CAMTA1: variants seen among roughly 807,000 people sequenced by gnomAD.
CAMTA1 encodes calmodulin binding transcription activator 1, also known as calmodulin-binding transcription activator 1.
Under a neutral mutation model 170.9 loss-of-function variants are expected in CAMTA1, and 27 were observed. The observed-to-expected ratio is 0.16, with a 90% CI of 0.12 to 0.22. The LOEUF (loss-of-function observed/expected upper bound fraction) is 0.22, where lower values mean the gene tolerates loss of function less well. Ranked by LOEUF, CAMTA1 falls within the 10% of genes least tolerant of loss-of-function variation. CAMTA1 has a pLI of 1.00. For missense variants in CAMTA1, 1,619 were observed against 2,217.2 expected (o/e 0.73, Z 5.42); for synonymous variants, 833 against 891.5 (o/e 0.93, Z 1.17).
At chr1:6,937,737 C>A (rs1685691562) in intron 3 of CAMTA1, among the ~76,000 whole-genome samples, 1 of 151,594 alleles carries the variant, frequency 6.6e-6, no homozygotes, top group African/African-American at 2.4e-5. Context: ...TCATCACAGT[C>A]ATCACCATCA....
chr1:7,715,445 T>C (rs1001877657), intron 11 of CAMTA1, among the ~76,000 whole-genome samples: 2 of 151,776 alleles, frequency 1.3e-5, no homozygotes, highest in African/African-American at 4.8e-5. Flanking sequence ...TTTTTTTTTT[T>C]TTCTTGAGGC....
intron 6 of CAMTA1, among the ~76,000 whole-genome samples, chr1:7,486,828 G>C (rs1339950856): frequency 6.6e-6 from 1 of 152,172 alleles, no homozygotes; most frequent in Admixed American, 6.5e-5. Context: ...TCTGAGGGAA[G>C]GTCCTGCCTC....
chr1:7,124,723 C>T (rs561797927), intron 4 of CAMTA1, among the ~76,000 whole-genome samples: 6 of 152,366 alleles, frequency 3.9e-5, no homozygotes, highest in Admixed American at 2.6e-4. Flanking sequence ...GTCCCCACGG[C>T]GAAGCACGGC....
At chr1:7,281,763 A>AT (rs1225442042) in intron 5 of CAMTA1, among the ~76,000 whole-genome samples, 14 of 147,658 alleles carry the variant, frequency 9.5e-5, no homozygotes, top group East Asian at 8.0e-4. Flanking sequence ...ATCCATGTGG[A>AT]TTTTTTTTGT....
chr1:6,788,281 C>A (rs1457843121), intron 1 of CAMTA1, among the ~76,000 whole-genome samples: 1 of 151,638 alleles, frequency 6.6e-6, no homozygotes, highest in Non-Finnish European at 1.5e-5. Flanking sequence ...GACTCATCCT[C>A]CCCAACAAGT....
chr1:7,532,014 G>C lies in CAMTA1; in HGVS notation c.510+64113G>C, dbSNP rs1222239300. On this transcript the variant is annotated intron_variant, in intron 6 of 22. Transcript: ENST00000303635. This position sits in a 1 kb window ranked among gnomAD's most constrained non-coding sequence, Gnocchi z 4.2. Reference sequence around the variant, plus strand: ...GGCTTCACACCATGCTAGTCCTTTAGATGTTCAATACCATGAAGGAAATGA... The same window carrying C: ...GGCTTCACACCATGCTAGTCCTTTACATGTTCAATACCATGAAGGAAATGA... 6.6e-6 allele frequency among the ~76,000 whole-genome samples: 1 copy of C among 152,216 alleles called. No homozygotes were observed. The highest frequency in any genetic ancestry group is 1.5e-5 in the Non-Finnish European group (1 of 68,048).
intron 4 of CAMTA1, among the ~76,000 whole-genome samples, chr1:7,226,017 C>T (rs1046613757): frequency 3.9e-5 from 6 of 152,198 alleles, no homozygotes; most frequent in African/African-American, 1.4e-4. Flanking sequence ...AGTGCCTGTC[C>T]ACAGCCCCTT....
In CAMTA1 at chr1:7,685,545, G is replaced by A. The variant is rs1037005328; in HGVS notation, c.2914+7812G>A. 3.3e-5 allele frequency among the ~76,000 whole-genome samples: 5 copies of A among 152,156 alleles called. No homozygotes were observed. Among genetic ancestry groups the A allele is most frequent in the African/African-American group, 9.7e-5 (4 of 41,426 alleles). ...GAAGCCCTCTGGCTCTGGGCAGTGC[G>A]ATTCTGCCCCTCCCTCCCACTCCCC... On this transcript the variant is annotated intron_variant, in intron 11 of 22. Transcript: ENST00000303635. This position sits in a 1 kb window ranked among gnomAD's most constrained non-coding sequence, Gnocchi z 5.7.
intron 3 of CAMTA1, among the ~76,000 whole-genome samples, chr1:7,025,477 C>T (rs1172974775): frequency 6.6e-6 from 1 of 152,196 alleles, no homozygotes; most frequent in Admixed American, 6.5e-5. Flanking sequence ...TCCATCTCGC[C>T]AGCCCCTCTG....
At chr1:7,219,130 C>T (rs1479823967) in intron 4 of CAMTA1, among the ~76,000 whole-genome samples, 2 of 152,140 alleles carry the variant, frequency 1.3e-5, no homozygotes, top group Non-Finnish European at 2.9e-5. Flanking sequence ...AAGTGTCTCC[C>T]CTGTAAGCTT....
At chr1:7,265,644 T>G (rs1668814409) in intron 5 of CAMTA1, among the ~76,000 whole-genome samples, 3 of 152,240 alleles carry the variant, frequency 2.0e-5, no homozygotes, top group Admixed American at 1.3e-4. Flanking sequence ...AACCCATTAA[T>G]ATTTTTGTGG....
chr1:7,258,639 C>T (rs573621634), intron 5 of CAMTA1, among the ~76,000 whole-genome samples: 2 of 152,254 alleles, frequency 1.3e-5, no homozygotes, highest in South Asian at 2.1e-4. Context: ...GATACTTTTC[C>T]CCTTGGTAAG....
chr1:6,850,340 C>T (rs1659915467), intron 3 of CAMTA1, among the ~76,000 whole-genome samples: 1 of 152,084 alleles, frequency 6.6e-6, no homozygotes, highest in Non-Finnish European at 1.5e-5. Context: ...GGTTTAATAT[C>T]CTTCATATCT....
Position 7,259,290 on chromosome 1 carries a change from C to T in CAMTA1, c.438+9664C>T, listed in dbSNP as rs12757126. On this transcript the variant is annotated intron_variant, in intron 5 of 22. Coordinates refer to ENST00000303635, the MANE Select transcript of CAMTA1 (RefSeq NM_015215.4). ...GAAATAACCTTCCACGTCCTCCTTGCACTTCGTAATTCAACAGCTTGTAAC... is the reference window on the plus strand; with the variant it reads ...GAAATAACCTTCCACGTCCTCCTTGTACTTCGTAATTCAACAGCTTGTAAC... 1.6e-3 allele frequency among the ~76,000 whole-genome samples: 247 copies of T among 152,304 alleles called. 2 individuals carry two copies. The highest frequency in any genetic ancestry group is 2.7e-3 in the Non-Finnish European group (181 of 68,026).
intron 4 of CAMTA1, among the ~76,000 whole-genome samples, chr1:7,119,526 C>T (rs1203544466): frequency 6.6e-6 from 1 of 152,136 alleles, no homozygotes; most frequent in African/African-American, 2.4e-5. Flanking sequence ...GGAAGAACCC[C>T]TGAGCCGAAA....
At chr1:7,368,038 C>A (rs1053777435) in intron 5 of CAMTA1, among the ~76,000 whole-genome samples, 21 of 130,294 alleles carry the variant, frequency 1.6e-4, no homozygotes, top group East Asian at 4.8e-4. Context: ...GGGTGCAGGC[C>A]CTGGGCACTC....
rs1423904019 is a variant in CAMTA1 at position 6,872,007 on chromosome 1, A to G, written c.234+46797A>G. 4 of 1,187,192 alleles carry G rather than the reference A, an allele frequency of 3.4e-6. No homozygotes were observed. The African/African-American group carries it at 4.8e-5, about 14-fold the overall frequency. The allele number at this position is 1,187,192 out of a possible 1,614,324, so 73.5% of individuals were successfully genotyped here. A position where few individuals can be genotyped will look rare whatever the true frequency, so the allele number is the denominator to read the frequency against. On this transcript the variant is annotated intron_variant, in intron 3 of 22. Coordinates refer to ENST00000303635, the MANE Select transcript of CAMTA1 (RefSeq NM_015215.4). ...CATTTTCTGTATTAAAATTCATTTCAGTTTTAAAATAAAGTGTAATCTGTG... is the reference window on the plus strand; with the variant it reads ...CATTTTCTGTATTAAAATTCATTTCGGTTTTAAAATAAAGTGTAATCTGTG...
intron 5 of CAMTA1, among the ~76,000 whole-genome samples, chr1:7,291,450 G>C (rs1387820840): frequency 6.6e-6 from 1 of 152,212 alleles, no homozygotes; most frequent in Admixed American, 6.5e-5. Context: ...GTTCAGAGAT[G>C]AATGTTAAGT....
chr1:7,347,982 T>C (rs2084348152), intron 5 of CAMTA1, among the ~76,000 whole-genome samples: 1 of 152,182 alleles, frequency 6.6e-6, no homozygotes, highest in South Asian at 2.1e-4. Context: ...TGCCATAATT[T>C]ATTCAGCTTA....
Sources: allele counts gnomAD v4.1 joint callset (sites outside exome capture counted in the v4.1 genomes callset), GRCh38; gene constraint gnomAD v4.1.1; non-coding constraint Gnocchi (gnomAD v3.1); transcripts MANE v1.5; gene names NCBI Gene and HGNC (gene_info 2026-07-23, HGNC 2026-07-21).